DNAH9: variants seen among roughly 807,000 people sequenced by gnomAD.
The protein encoded by DNAH9 is dynein axonemal heavy chain 9, also known as DNAH9 variant protein.
A neutral mutation model predicts 471.6 loss-of-function variants in DNAH9; 345 were observed. That is an observed-to-expected ratio of 0.73 (90% confidence interval 0.67 to 0.80). DNAH9 has a LOEUF of 0.80. Among genes scored for constraint, DNAH9 ranks in the 30% least tolerant of loss-of-function variants. DNAH9 has a pLI of 0.00. For synonymous variants in DNAH9, 2,093 were observed against 2,123.6 expected (o/e 0.99, Z 0.40); for missense variants, 5,407 against 5,609.2 (o/e 0.96, Z 1.15).
Position 11,623,447 on chromosome 17 carries a change from C to T in DNAH9, c.1350+3666C>T, listed in dbSNP as rs1311127913. ...CATCTTCCCACGGCTACTCCTTGCC[C>T]CTTTTCCTCATATTTCCTCCCCTCT... On this transcript the variant is annotated intron_variant, in intron 6 of 68. Coordinates refer to ENST00000262442, the MANE Select transcript of DNAH9 (RefSeq NM_001372.4). The surrounding 1 kb of genome is among the most constrained non-coding windows in gnomAD (Gnocchi z 4.1). Among the ~76,000 whole-genome samples the T allele has an allele frequency of 1.3e-5, 2 of 152,042 alleles. No individual in the cohort carries two copies. Among genetic ancestry groups the T allele is most frequent in the East Asian group, 1.9e-4 (1 of 5,186 alleles).
chr17:11,634,693 C>A (rs78036208), intron 8 of DNAH9, among the ~76,000 whole-genome samples: 3,806 of 152,286 alleles, frequency 0.025, 149 homozygotes, highest in African/African-American at 0.085. Flanking sequence ...TTTTTAGCAC[C>A]TTTACAGAGT....
rs539185922 is a variant in DNAH9, at chr17:11,610,497, C to G, written c.716C>G (p.Pro239Arg). ...GTACTCAAGAGAGAGTCTTCCCAGC[C>G]ACTCTTACAAGGGGAGAATCCCACC... The part of the protein sequence containing the change: ...QVVLKRESSQ[P>R]LLQGENPTPK... Residue 239 changes from proline (P) to arginine (R), a missense_variant, in exon 3 of 69, where the codon CCA becomes CGA. This residue lies in a region of DNAH9 where 767 missense variants were observed against 692.5 expected (regional missense o/e 1.11). Transcript: ENST00000262442. The G allele has an allele frequency of 6.6e-5, 106 of 1,613,444 alleles. No homozygotes were observed. Among genetic ancestry groups the G allele is most frequent in the Non-Finnish European group, 8.9e-5 (105 of 1,179,972 alleles).
chr17:11,760,716 C>G (rs1047594212), intron 35 of DNAH9, among the ~76,000 whole-genome samples: 9 of 152,132 alleles, frequency 5.9e-5, no homozygotes, highest in African/African-American at 2.2e-4. Flanking sequence ...AACGGAGTTT[C>G]ACCATGTTTG....
chr17:11,666,887 A>G (rs1363234971), intron 15 of DNAH9, among the ~76,000 whole-genome samples: 3 of 152,150 alleles, frequency 2.0e-5, no homozygotes, highest in African/African-American at 2.4e-5. Context: ...AGGGGCTTCT[A>G]TGACATTGTT....
At chr17:11,789,067 C>T (rs1022018067) in intron 41 of DNAH9, among the ~76,000 whole-genome samples, 8 of 151,924 alleles carry the variant, frequency 5.3e-5, no homozygotes, top group African/African-American at 1.9e-4. Context: ...TCAACCATTC[C>T]TGGAATCAAC....
At chr17:11,928,629 G>T (rs537641477) in intron 62 of DNAH9, among the ~76,000 whole-genome samples, 3 of 152,320 alleles carry the variant, frequency 2.0e-5, no homozygotes, top group East Asian at 3.9e-4. Context: ...GAGGAGACAG[G>T]CTCAAAGACC....
intron 10 of DNAH9, among the ~76,000 whole-genome samples, chr17:11,642,249 G>A (rs188525503): frequency 1.3e-5 from 2 of 152,246 alleles, no homozygotes; most frequent in African/African-American, 4.8e-5. Context: ...ATTCAAATGT[G>A]TATTATGGGC....
At chr17:11,804,077 T>A (rs1969567654) in intron 43 of DNAH9, among the ~76,000 whole-genome samples, 1 of 152,246 alleles carries the variant, frequency 6.6e-6, no homozygotes, top group South Asian at 2.1e-4. Flanking sequence ...ACCTTCAATG[T>A]GCTGTCACTG....
intron 48 of DNAH9, among the ~76,000 whole-genome samples, chr17:11,833,847 A>G (rs749888662): frequency 6.6e-6 from 1 of 152,186 alleles, no homozygotes; most frequent in Non-Finnish European, 1.5e-5. Flanking sequence ...CAGGATTCAC[A>G]GTAGACATTC....
intron 10 of DNAH9, among the ~76,000 whole-genome samples, chr17:11,642,081 G>T (rs1334216498): frequency 1.3e-5 from 2 of 152,144 alleles, no homozygotes; most frequent in African/African-American, 2.4e-5. Flanking sequence ...TACTTCTGCA[G>T]CAGCCAACAC....
intron 43 of DNAH9, among the ~76,000 whole-genome samples, 178 bp from the exon 44 acceptor site, chr17:11,807,554 C>G (rs1321999174): frequency 6.6e-6 from 1 of 152,166 alleles, no homozygotes; most frequent in Non-Finnish European, 1.5e-5. Flanking sequence ...ATGGCAGCTT[C>G]AGTCAGCTCG....
Position 11,807,880 on chromosome 17 carries a change from A to T in DNAH9, c.8569A>T (p.Ile2857Phe). 6.2e-7 allele frequency: 1 copy of T among 1,605,484 alleles called. No homozygotes were observed. The highest frequency in any genetic ancestry group is 1.1e-5 in the South Asian group (1 of 90,710). ...GATCACACTGCGCAAAGGCTACCAGATCCAGGACTTCAAGGTAAAAGGTCA... is the reference window on the plus strand; with the variant it reads ...GATCACACTGCGCAAAGGCTACCAGTTCCAGGACTTCAAGGTAAAAGGTCA... Reference protein sequence around the residue: ...FQITLRKGYQIQDFKMDLASL... With the variant: ...FQITLRKGYQFQDFKMDLASL... The change falls in exon 44 of 69, where the codon ATC becomes TTC. Residue 2857 changes from isoleucine (I) to phenylalanine (F), a missense_variant. Physicochemically the swap from Ile to Phe is conservative, Grantham distance 21. Transcript: ENST00000262442.
intron 17 of DNAH9, among the ~76,000 whole-genome samples, chr17:11,678,147 T>A (rs2074078272): frequency 6.6e-6 from 1 of 152,160 alleles, no homozygotes; most frequent in Admixed American, 6.6e-5. Context: ...CCTCTCTGCC[T>A]CCCGGATTCA....
At chr17:11,884,021 G>A (rs552511851) in intron 56 of DNAH9, among the ~76,000 whole-genome samples, 103 of 152,252 alleles carry the variant, frequency 6.8e-4, no homozygotes, top group Non-Finnish European at 1.3e-3. Flanking sequence ...AAGCCTTTGT[G>A]GGGCCTGGTA....
At chr17:11,905,618 C>T (rs1359198749) in intron 60 of DNAH9, 43 bp from the exon 61 acceptor site, 1 of 1,581,150 alleles carries the variant, frequency 6.3e-7, no homozygotes, top group South Asian at 1.2e-5. Context: ...CATTTTGTGG[C>T]TGCTATATAT....
At chr17:11,757,469 G>C in intron 34 of DNAH9, 76 bp from the exon 35 acceptor site, 1 of 1,359,890 alleles carries the variant, frequency 7.4e-7, no homozygotes. Context: ...TCCAAACAGA[G>C]AAAATAACTC....
At chr17:11,627,995 C>T (rs1445891423) in intron 6 of DNAH9, among the ~76,000 whole-genome samples, 5 of 152,156 alleles carry the variant, frequency 3.3e-5, no homozygotes, top group Admixed American at 1.3e-4. Context: ...TGCAGTGGTA[C>T]CAGGACCTGC....
At chr17:11,607,394 TG>T (rs2072530959) in intron 1 of DNAH9, among the ~76,000 whole-genome samples, 1 of 152,104 alleles carries the variant, frequency 6.6e-6, no homozygotes, top group Non-Finnish European at 1.5e-5. Flanking sequence ...CAAGGGGCTG[TG>T]GAAAGCACAC....
intron 52 of DNAH9, among the ~76,000 whole-genome samples, chr17:11,872,544 A>G (rs1972309975): frequency 6.6e-6 from 1 of 152,106 alleles, no homozygotes; most frequent in Non-Finnish European, 1.5e-5. Context: ...CCACTCCACT[A>G]TACAGGAGGC....
Sources: gnomAD v4.1 joint callset for allele counts (sites outside exome capture counted in the v4.1 genomes callset) on GRCh38, gnomAD v4.1.1 for gene constraint, gnomAD v4.1.1 regional missense constraint, Gnocchi (gnomAD v3.1) non-coding constraint, MANE v1.5 for transcripts, NCBI Gene and HGNC (gene_info 2026-07-23, HGNC 2026-07-21) for gene names.